The following YBX3 variants were observed in gnomAD, a reference collection of about 807,000 sequenced individuals.
YBX3 encodes the protein Y-box-binding protein 3.
In YBX3, 29 loss-of-function variants were observed where a neutral mutation model predicts 42.4. The observed-to-expected ratio is 0.68, with a 90% CI of 0.51 to 0.93. The LOEUF is 0.93. Among genes scored for constraint, YBX3 ranks in the 40% least tolerant of loss-of-function variants. The probability of loss-of-function intolerance (pLI) is 0.00; values close to 1 mark genes in which losing one functional copy is unlikely to be tolerated. For synonymous variants in YBX3, 195 were observed against 189.8 expected (o/e 1.03, Z -0.22); for missense variants, 517 against 527.5 (o/e 0.98, Z 0.19).
chr12:10,710,391 G>T, intron 5 of YBX3: 1 of 1,347,944 alleles, frequency 7.4e-7, no homozygotes, highest in South Asian at 1.5e-5. Flanking sequence ...ATTAGAACTC[G>T]TATCAGCTAA....
At chr12:10,717,080 A>G (rs1185046065) in intron 3 of YBX3, among the ~76,000 whole-genome samples, 1 of 152,244 alleles carries the variant, frequency 6.6e-6, no homozygotes, top group Admixed American at 6.5e-5. Flanking sequence ...AAGTCACTGT[A>G]TCTGAACAAA....
intron 6 of YBX3, among the ~76,000 whole-genome samples, chr12:10,706,018 G>C (rs79517088): frequency 8.5e-5 from 13 of 152,116 alleles, no homozygotes; most frequent in Non-Finnish European, 1.8e-4. Flanking sequence ...AAAAAATTGG[G>C]GGACAGGTAT....
Position 10,710,215 on chromosome 12 carries a change from A to G in YBX3, c.574-101T>C. ...TATCACCAAAATAAAATCTCCCCAAAGCAATATAATCCTTTCCATTATACA... is the reference window on the plus strand; with the variant it reads ...TATCACCAAAATAAAATCTCCCCAAGGCAATATAATCCTTTCCATTATACA... On this transcript the variant is annotated intron_variant, in intron 5 of 9. Coordinates refer to ENST00000228251, the MANE Select transcript of YBX3 (RefSeq NM_003651.5). 3 of 1,536,300 alleles carry G rather than the reference A, an allele frequency of 2.0e-6. No homozygotes were observed. In the Admixed American group the frequency reaches 5.9e-5, roughly 30 times the overall value.
Position 10,722,997 on chromosome 12 carries a change from C to T in YBX3, c.115G>A (p.Gly39Ser). 1 of 1,212,924 alleles carries T rather than the reference C, an allele frequency of 8.2e-7. No homozygotes were observed. Among genetic ancestry groups the T allele is most frequent in the South Asian group, 4.1e-5 (1 of 24,632 alleles). 75.1% of individuals were successfully genotyped at this position (1,212,924 alleles called of 1,614,324 possible). ...DPAPKSPVGS[G>S]APQAAAPAPA... ...GCCGGGGCCGCGGCCTGGGGCGCAC[C>T]GCTGCCCACCGGGCTCTTGGGCGCG... Residue 39 changes from glycine to serine, a missense_variant, in exon 1 of 10, where the codon GGT (glycine) becomes AGT (serine). Around this residue, in one of 3 missense-constraint regions of YBX3, gnomAD observed 86 missense variants for 82.5 expected, o/e 1.04. Transcript: ENST00000228251.
rs1948197429 is a variant in YBX3 at position 10,711,311 on chromosome 12, GC to G, written c.574-1198del. 2.0e-5 allele frequency: 3 copies of G among 152,074 alleles called. No homozygotes were observed. The South Asian group carries it at 6.2e-4, about 32-fold the overall frequency. 9.4% of individuals were successfully genotyped at this position (152,074 alleles called of 1,614,324 possible). A position where few individuals can be genotyped will look rare whatever the true frequency, so the allele number is the denominator to read the frequency against. ...TTTTAAAAATGAATAAATAAAAAAAGCAAAATAATGACCCATTACTTTTTTT... is the reference window on the plus strand; with the variant it reads ...TTTTAAAAATGAATAAATAAAAAAAGAAAATAATGACCCATTACTTTTTTT... On this transcript the variant is annotated intron_variant, in intron 5 of 9. Transcript: ENST00000228251.
At chr12:10,705,684 G>A (rs1221294151) in intron 6 of YBX3, among the ~76,000 whole-genome samples, 2 of 152,198 alleles carry the variant, frequency 1.3e-5, no homozygotes, top group East Asian at 3.8e-4. Context: ...AGTACTTTGT[G>A]AGGAAGTACT....
At chr12:10,704,705 C>T (rs1948118582) in intron 6 of YBX3, among the ~76,000 whole-genome samples, 1 of 152,088 alleles carries the variant, frequency 6.6e-6, no homozygotes, top group Non-Finnish European at 1.5e-5. Context: ...AGACAATTTC[C>T]ACGTTCTCAT....
rs1948084976 is a variant in YBX3, at chr12:10,701,973, T to C, written c.1040A>G (p.Gln347Arg). ...GGTTGGATTTACCTCTTTGCCATCT[T>C]GTGAAGGAGCGTTAGGAGGACGCGG... ...RRPRPPNAPS[Q>R]DGKEAKAGEA... is the part of the protein sequence containing the mutation. Residue 347 changes from glutamine (Q) to arginine (R), a missense_variant, in exon 8 of 10, where the codon CAA becomes CGA. By Grantham distance (43) the Gln-to-Arg change is conservative. Transcript: ENST00000228251. The C allele has an allele frequency of 1.2e-6, 2 of 1,612,344 alleles. No homozygotes were observed. Among genetic ancestry groups the C allele is most frequent in the Non-Finnish European group, 1.7e-6 (2 of 1,179,312 alleles).
Position 10,702,147 on chromosome 12 carries a change from C to G in YBX3, c.879-13G>C, listed in dbSNP as rs1948088685. On this transcript the variant is annotated splice_polypyrimidine_tract_variant and intron_variant, in intron 7 of 9. Transcript: ENST00000228251. ...AGGAGGTCCCCTGCTGTAGGGAACA[C>G]AGAAGAAAATAGAACAGGTGCCAAC... The G allele has an allele frequency of 1.2e-6, 2 of 1,608,822 alleles. No individual in the cohort carries two copies. Among genetic ancestry groups the G allele is most frequent in the South Asian group, 2.2e-5 (2 of 90,464 alleles).
intron 6 of YBX3, among the ~76,000 whole-genome samples, chr12:10,706,927 G>C (rs1948144590): frequency 6.6e-6 from 1 of 152,092 alleles, no homozygotes; most frequent in African/African-American, 2.4e-5. Context: ...TGAGGCAGGA[G>C]AATGGCATGA....
chr12:10,710,516 T>C, intron 5 of YBX3: 1 of 1,182,976 alleles, frequency 8.5e-7, no homozygotes, highest in East Asian at 6.4e-5. Context: ...AAAGAATACA[T>C]TTTATGATGT....
chr12:10,720,287 G>A (rs1453410269), intron 1 of YBX3, among the ~76,000 whole-genome samples: 1 of 152,172 alleles, frequency 6.6e-6, no homozygotes, highest in Non-Finnish European at 1.5e-5. Context: ...TCTGTTGTAG[G>A]CAGGGGTAGT....
intron 8 of YBX3, among the ~76,000 whole-genome samples, chr12:10,701,639 T>C (rs111734302): frequency 0.014 from 2,184 of 152,240 alleles, 44 homozygotes; most frequent in African/African-American, 0.049. Context: ...CTACTCTCCA[T>C]AAAGTCTGAT....
chr12:10,710,430 T>C, intron 5 of YBX3: 1 of 1,264,686 alleles, frequency 7.9e-7, no homozygotes, highest in Non-Finnish European at 1.0e-6. Flanking sequence ...TCTGCAAGGT[T>C]TATAATTTTT....
chr12:10,723,311 G>C lies in YBX3; in HGVS notation c.-200C>G, dbSNP rs1948359502. The C allele has an allele frequency of 6.8e-6, 6 of 878,146 alleles. No homozygotes were observed. 54.4% of individuals were successfully genotyped at this position (878,146 alleles called of 1,614,324 possible). A position where few individuals can be genotyped will look rare whatever the true frequency, so the allele number is the denominator to read the frequency against. ...CTGCGCGCTCTCTCTTGGGCTCCTC[G>C]CTCGATCTTACTGCCCCAAAAATGG... On this transcript the variant is annotated 5_prime_UTR_variant, in exon 1 of 10. Transcript: ENST00000228251.
chr12:10,718,940 G>A (rs1948293924), intron 2 of YBX3, 140 bp downstream of exon 2: 1 of 679,128 alleles, frequency 1.5e-6, no homozygotes, highest in Admixed American at 3.1e-5. Flanking sequence ...ACAACCAGTA[G>A]CTTAGAAATG....
intron 1 of YBX3, among the ~76,000 whole-genome samples, chr12:10,721,185 G>GT (rs1948320644): frequency 6.6e-6 from 1 of 152,188 alleles, no homozygotes; most frequent in South Asian, 2.1e-4. Context: ...CAGTGTTGAG[G>GT]TGTCACGTAG....
chr12:10,700,114 A>G (rs140776534), intron 9 of YBX3, among the ~76,000 whole-genome samples: 75 of 152,292 alleles, frequency 4.9e-4, no homozygotes, highest in African/African-American at 1.7e-3. Context: ...GGCCATTTTT[A>G]TATTATTAAT....
chr12:10,717,799 CTT>C, intron 3 of YBX3: 1 of 231,538 alleles, frequency 4.3e-6, no homozygotes, highest in Admixed American at 5.7e-5. Flanking sequence ...ACAGACTTTT[CTT>C]TTTTTTGCTA....
Sources: gnomAD v4.1 joint callset for allele counts (sites outside exome capture counted in the v4.1 genomes callset) on GRCh38, gnomAD v4.1.1 for gene constraint, gnomAD v4.1.1 regional missense constraint, MANE v1.5 for transcripts, NCBI Gene and HGNC (gene_info 2026-07-23, HGNC 2026-07-21) for gene names.